The following PAX5 variants were observed in gnomAD, a reference collection of about 807,000 sequenced individuals.
PAX5 encodes the protein paired box 5.
In PAX5, 9 loss-of-function variants were observed where a neutral mutation model predicts 43.7. The ratio of observed to expected loss-of-function variants is 0.21; its 90% CI spans 0.12 to 0.36. PAX5 has a LOEUF of 0.36. Ranked by LOEUF, PAX5 falls within the 10% of genes least tolerant of loss-of-function variation. The pLI, the probability that PAX5 is intolerant of heterozygous loss-of-function variation, is 1.00. For missense variants in PAX5, 383 were observed against 532.7 expected, an observed-to-expected ratio of 0.72 and a Z score of 2.77; for synonymous variants, 228 against 214.3, an observed-to-expected ratio of 1.06 and a Z score of -0.56.
intron 5 of PAX5, among the ~76,000 whole-genome samples, chr9:36,994,658 T>G (rs1464306410): frequency 1.3e-5 from 2 of 152,162 alleles, no homozygotes; most frequent in Non-Finnish European, 2.9e-5. Context: ...AGAGCACAAG[T>G]GCCGAGAGCA....
intron 7 of PAX5, among the ~76,000 whole-genome samples, chr9:36,894,827 G>A (rs1357293096): frequency 6.6e-6 from 1 of 152,170 alleles, no homozygotes; most frequent in Non-Finnish European, 1.5e-5. Context: ...TGTTCACATC[G>A]AGCTGCTGTC....
intron 5 of PAX5, among the ~76,000 whole-genome samples, chr9:36,984,248 C>G (rs1191349974): frequency 6.6e-6 from 1 of 151,982 alleles, no homozygotes; most frequent in African/African-American, 2.4e-5. Flanking sequence ...GCTCCAAGAG[C>G]AAGGCAGGTG....
intron 1 of PAX5, chr9:37,026,856 C>G (rs1011856533): frequency 1.7e-5 from 6 of 362,336 alleles, no homozygotes; most frequent in Non-Finnish European, 2.3e-5. Context: ...GCTCCGGGCC[C>G]AGCCCGGGGT....
Position 36,837,145 on chromosome 9 carries a change from C to G in PAX5, c.*3415G>C, listed in dbSNP as rs1365743273. On this transcript the variant is annotated 3_prime_UTR_variant, in exon 10 of 10. Transcript: ENST00000358127. The stretch of plus-strand genomic sequence containing the variant: ...ATACACTCCCATGACAGGAGCACAA[C>G]TCGGTGGAGAGAGAATGGGGCCTGG... 1 of 233,146 alleles carries G rather than the reference C, an allele frequency of 4.3e-6. No homozygotes were observed. Among genetic ancestry groups the G allele is most frequent in the Non-Finnish European group, 8.5e-6 (1 of 117,968 alleles). The allele number at this position is 233,146 out of a possible 1,614,324, so 14.4% of individuals were successfully genotyped here.
intron 6 of PAX5, among the ~76,000 whole-genome samples, chr9:36,947,574 T>C (rs1358998580): frequency 6.6e-6 from 1 of 152,090 alleles, no homozygotes; most frequent in Non-Finnish European, 1.5e-5. Flanking sequence ...GATGGGGTCT[T>C]GCTCTGTTTC....
intron 8 of PAX5, among the ~76,000 whole-genome samples, chr9:36,850,141 C>T (rs1055470504): frequency 6.6e-5 from 10 of 152,346 alleles, no homozygotes; most frequent in Admixed American, 1.3e-4. Flanking sequence ...CAGAACGTGG[C>T]CCCTGCATGG....
chr9:37,021,522 T>A (rs1839855121), intron 1 of PAX5, among the ~76,000 whole-genome samples: 1 of 151,798 alleles, frequency 6.6e-6, no homozygotes. Context: ...TATAAAGGAG[T>A]TTCCCTGGAA....
chr9:36,933,582 G>C (rs534562973), intron 6 of PAX5, among the ~76,000 whole-genome samples: 18 of 152,306 alleles, frequency 1.2e-4, no homozygotes, highest in African/African-American at 4.3e-4. Flanking sequence ...GTTAGAGTTG[G>C]AGGGGACTTT....
intron 8 of PAX5, among the ~76,000 whole-genome samples, chr9:36,879,323 T>C (rs1172287302): frequency 6.6e-6 from 1 of 152,266 alleles, no homozygotes; most frequent in Non-Finnish European, 1.5e-5. Flanking sequence ...GGGCAGGCTC[T>C]GTTTGGATAA....
At chr9:37,027,031 T>C (rs1008212568) in intron 1 of PAX5, among the ~76,000 whole-genome samples, 1 of 152,188 alleles carries the variant, frequency 6.6e-6, no homozygotes, top group African/African-American at 2.4e-5. Context: ...GCTGCCAGGC[T>C]GGTTCCGCGG....
chr9:37,015,503 A>G lies in PAX5; in HGVS notation c.213-309T>C, dbSNP rs1302079325. ...TATTGAGTTAAAATATATAATTAAA[A>G]TATAGTACCTCTTTTTTTTAACTTT... On this transcript the variant is annotated intron_variant, in intron 2 of 9. Coordinates refer to ENST00000358127, the MANE Select transcript of PAX5 (RefSeq NM_016734.3). The surrounding 1 kb of genome is among the most constrained non-coding windows in gnomAD (Gnocchi z 4.4). 6.6e-6 allele frequency among the ~76,000 whole-genome samples: 1 copy of G among 152,310 alleles called. No homozygotes were observed. The highest frequency in any genetic ancestry group is 1.9e-4 in the East Asian group (1 of 5,186).
intron 6 of PAX5, among the ~76,000 whole-genome samples, chr9:36,933,594 C>T (rs180915268): frequency 1.4e-3 from 217 of 152,294 alleles, no homozygotes; most frequent in African/African-American, 5.0e-3. Context: ...GGGGACTTTA[C>T]TGCCACCCCT....
At chr9:36,973,121 A>G (rs1835094017) in intron 5 of PAX5, among the ~76,000 whole-genome samples, 1 of 85,078 alleles carries the variant, frequency 1.2e-5, no homozygotes, top group African/African-American at 6.0e-5. Flanking sequence ...AAAGGAAAGG[A>G]AAGGAAAGGA....
At chr9:36,986,548 G>A (rs895051096) in intron 5 of PAX5, among the ~76,000 whole-genome samples, 1 of 152,072 alleles carries the variant, frequency 6.6e-6, no homozygotes, top group African/African-American at 2.4e-5. Context: ...ACGTTCGGCC[G>A]CAGCTGAATT....
At chr9:36,963,680 G>A (rs1484633224) in intron 6 of PAX5, among the ~76,000 whole-genome samples, 3 of 152,232 alleles carry the variant, frequency 2.0e-5, no homozygotes, top group Non-Finnish European at 2.9e-5. Flanking sequence ...AGGCTGCGTG[G>A]TCTTCCTGGG....
In PAX5 at chr9:37,033,754, G is replaced by T. The variant is rs376871896; in HGVS notation, c.46+232C>A. On this transcript the variant is annotated intron_variant, in intron 1 of 9. Coordinates refer to ENST00000358127, the MANE Select transcript of PAX5 (RefSeq NM_016734.3). The stretch of plus-strand genomic sequence containing the variant: ...CTAACTTGCAGACCCCCGGAAGGAC[G>T]CCAGCGTGAACATTCAGAAACAGAG... Among the ~76,000 whole-genome samples, 114 of 152,254 alleles carry T rather than the reference G, an allele frequency of 7.5e-4. 1 individual carries two copies. The highest frequency in any genetic ancestry group is 2.7e-3 in the African/African-American group (113 of 41,556).
intron 1 of PAX5, among the ~76,000 whole-genome samples, chr9:37,023,080 A>G (rs564783670): frequency 4.6e-5 from 7 of 152,302 alleles, no homozygotes; most frequent in African/African-American, 1.7e-4. Context: ...AGAGGAAAAA[A>G]GAGGTGTGTT....
intron 6 of PAX5, among the ~76,000 whole-genome samples, chr9:36,957,176 A>G (rs1038914115): frequency 2.0e-5 from 3 of 152,166 alleles, no homozygotes; most frequent in African/African-American, 7.2e-5. Context: ...AAGCTTCTAC[A>G]CGCTTCAGGT....
intron 1 of PAX5, among the ~76,000 whole-genome samples, chr9:37,027,236 G>T (rs1840484588): frequency 6.6e-6 from 1 of 152,316 alleles, no homozygotes; most frequent in East Asian, 1.9e-4. Context: ...AGATGCTTCC[G>T]CCCCTGACGC....
Sources: gnomAD v4.1 joint callset for allele counts (sites outside exome capture counted in the v4.1 genomes callset) on GRCh38, gnomAD v4.1.1 for gene constraint, Gnocchi (gnomAD v3.1) non-coding constraint, MANE v1.5 for transcripts, NCBI Gene and HGNC (gene_info 2026-07-23, HGNC 2026-07-21) for gene names.